The following MYO16 variants were observed in gnomAD, a reference collection of about 807,000 sequenced individuals.
The protein encoded by MYO16 is myosin XVI.
In MYO16, 94 loss-of-function variants were observed where a neutral mutation model predicts 205.3. The ratio of observed to expected loss-of-function variants is 0.46; its 90% CI spans 0.39 to 0.54. The LOEUF (loss-of-function observed/expected upper bound fraction) is 0.54. Among genes scored for constraint, MYO16 ranks in the 20% least tolerant of loss-of-function variants. MYO16 has a pLI of 0.00. For missense variants in MYO16, 2,315 were observed against 2,387.5 expected, an observed-to-expected ratio of 0.97 and a Z score of 0.63; for synonymous variants, 988 against 954.0, an observed-to-expected ratio of 1.04 and a Z score of -0.66.
At chr13:109,157,227 C>T (rs1218924791) in intron 32 of MYO16, among the ~76,000 whole-genome samples, 1 of 104,276 alleles carries the variant, frequency 9.6e-6, no homozygotes, top group South Asian at 3.7e-4. Context: ...ACTTTCTTTG[C>T]TAGATTAGTA....
Position 109,140,252 on chromosome 13 carries a change from T to G in MYO16, c.4052-12T>G. Reference sequence around the variant, plus strand: ...GCCTGGCACCCACTGACCGCGTCCTTTCCTGCCGCAGCTCTGGCCCGGCCC... The same window carrying G: ...GCCTGGCACCCACTGACCGCGTCCTGTCCTGCCGCAGCTCTGGCCCGGCCC... On this transcript the variant is annotated splice_polypyrimidine_tract_variant and intron_variant, in intron 31 of 34. Coordinates refer to ENST00000457511, the MANE Select transcript of MYO16 (RefSeq NM_001198950.3). This position sits in a 1 kb window ranked among gnomAD's most constrained non-coding sequence, Gnocchi z 8.0. 2 of 1,597,578 alleles carry G rather than the reference T, an allele frequency of 1.3e-6. No individual in the cohort carries two copies. The highest frequency in any genetic ancestry group is 1.7e-6 in the Non-Finnish European group (2 of 1,178,448).
intron 14 of MYO16, among the ~76,000 whole-genome samples, chr13:108,894,784 A>G (rs1012128399): frequency 6.6e-6 from 1 of 152,148 alleles, no homozygotes; most frequent in Admixed American, 6.5e-5. Flanking sequence ...CACCACAGAC[A>G]TGGCTTTGTT....
intron 14 of MYO16, among the ~76,000 whole-genome samples, chr13:108,896,921 G>A (rs918260064): frequency 2.0e-5 from 3 of 151,360 alleles, no homozygotes; most frequent in African/African-American, 4.9e-5. Flanking sequence ...GCAGTAAGCC[G>A]AGATCACACC....
the MYO16 span, among the ~76,000 whole-genome samples, chr13:108,554,870 A>AG: frequency 3.3e-5 from 5 of 150,524 alleles, no homozygotes; most frequent in African/African-American, 9.8e-5. Context: ...AAAAAAAAAA[A>AG]AAAGAAAGAA....
At chr13:109,205,569 G>A (rs374823655) in intron 34 of MYO16, among the ~76,000 whole-genome samples, 64 of 152,124 alleles carry the variant, frequency 4.2e-4, no homozygotes, top group South Asian at 8.3e-4. Context: ...ATTCCTATTC[G>A]GATTTCCAGA....
intron 7 of MYO16, among the ~76,000 whole-genome samples, chr13:108,808,845 C>A (rs563230806): frequency 6.6e-6 from 1 of 152,122 alleles, no homozygotes; most frequent in Non-Finnish European, 1.5e-5. Flanking sequence ...ACATGCCATG[C>A]GTCAGTGGTA....
At chr13:108,802,674 C>T (rs1044256746) in intron 6 of MYO16, among the ~76,000 whole-genome samples, 1 of 152,124 alleles carries the variant, frequency 6.6e-6, no homozygotes, top group Non-Finnish European at 1.5e-5. Flanking sequence ...AATGGCTGTG[C>T]TAACTTACAT....
chr13:108,595,206 G>C (rs1878512313), upstream of MYO16, among the ~76,000 whole-genome samples: 1 of 152,012 alleles, frequency 6.6e-6, no homozygotes, highest in Admixed American at 6.6e-5. Flanking sequence ...TTTCTTTCAG[G>C]GACCAGTCAC....
intron 34 of MYO16, among the ~76,000 whole-genome samples, chr13:109,199,033 G>T (rs1258120083): frequency 1.3e-5 from 2 of 151,592 alleles, no homozygotes; most frequent in African/African-American, 4.8e-5. Context: ...CAAATCCTGT[G>T]GAAACCCTTC....
intron 1 of MYO16, among the ~76,000 whole-genome samples, chr13:108,647,824 TC>T (rs1220355535): frequency 2.6e-4 from 39 of 152,220 alleles, no homozygotes; most frequent in Non-Finnish European, 5.1e-4. Context: ...CCATCAAATG[TC>T]TAAATACAAA....
intron 4 of MYO16, among the ~76,000 whole-genome samples, chr13:108,782,178 T>C (rs546124707): frequency 2.6e-5 from 4 of 152,298 alleles, no homozygotes; most frequent in African/African-American, 9.6e-5. Context: ...ACTTGTTGAA[T>C]GGCTTTGACA....
At chr13:108,555,700 C>G in the MYO16 span, among the ~76,000 whole-genome samples, 1 of 152,322 alleles carries the variant, frequency 6.6e-6, no homozygotes, top group African/African-American at 2.4e-5. Context: ...CATATTCTAT[C>G]TAACTGAAGT....
chr13:108,698,092 A>T (rs537317096), intron 2 of MYO16, among the ~76,000 whole-genome samples: 1 of 152,188 alleles, frequency 6.6e-6, no homozygotes, highest in East Asian at 1.9e-4. Flanking sequence ...CATGTAAGCT[A>T]TTATGGCACT....
chr13:108,651,353 GT>G (rs1224639053), intron 1 of MYO16, among the ~76,000 whole-genome samples: 1 of 152,178 alleles, frequency 6.6e-6, no homozygotes, highest in Non-Finnish European at 1.5e-5. Flanking sequence ...AGAAACTTCA[GT>G]TTTATTATTA....
At chr13:108,954,890 C>T (rs1214195882) in intron 16 of MYO16, among the ~76,000 whole-genome samples, 2 of 152,172 alleles carry the variant, frequency 1.3e-5, no homozygotes, top group African/African-American at 4.8e-5. Context: ...CTTGCTCACC[C>T]TCCATCAGGC....
At chr13:108,870,528 A>G (rs1302407804) in intron 12 of MYO16, among the ~76,000 whole-genome samples, 1 of 152,052 alleles carries the variant, frequency 6.6e-6, no homozygotes, top group African/African-American at 2.4e-5. Context: ...TTTTCTTTGC[A>G]AGAAGGTTTT....
intron 1 of MYO16, among the ~76,000 whole-genome samples, chr13:108,604,430 T>C (rs1878877106): frequency 6.6e-6 from 1 of 152,112 alleles, no homozygotes; most frequent in African/African-American, 2.4e-5. Context: ...ACCAAGGAAA[T>C]GAAGTAACAT....
chr13:108,946,251 G>T (rs547290764), intron 16 of MYO16, among the ~76,000 whole-genome samples: 1 of 150,792 alleles, frequency 6.6e-6, no homozygotes, highest in African/African-American at 2.4e-5. Flanking sequence ...TTCCTAATAC[G>T]TTCTTTGTTA....
chr13:109,014,502 G>A (rs1594470201), intron 22 of MYO16, among the ~76,000 whole-genome samples: 1 of 152,272 alleles, frequency 6.6e-6, no homozygotes, highest in East Asian at 1.9e-4. Flanking sequence ...ATTCTGTGAA[G>A]AAAGTCATTG....
Sources: gnomAD v4.1 joint callset for allele counts (sites outside exome capture counted in the v4.1 genomes callset) on GRCh38, gnomAD v4.1.1 for gene constraint, Gnocchi (gnomAD v3.1) non-coding constraint, MANE v1.5 for transcripts, NCBI Gene and HGNC (gene_info 2026-07-23, HGNC 2026-07-21) for gene names.